Variants in CUX2 observed in about 807,000 individuals in gnomAD.
The protein encoded by CUX2 is cut like homeobox 2.
CUX2 carries 40 observed loss-of-function variants against 144.8 expected under a neutral mutation model. The observed-to-expected ratio is 0.28, with a 90% CI of 0.21 to 0.36. CUX2 has a LOEUF of 0.36. Ranked by LOEUF, CUX2 falls within the 10% of genes least tolerant of loss-of-function variation. The pLI is 1.00. For missense variants in CUX2, 1,615 were observed against 1,994.0 expected, an observed-to-expected ratio of 0.81 and a Z score of 3.62; for synonymous variants, 827 against 875.6, an observed-to-expected ratio of 0.94 and a Z score of 0.98.
intron 4 of CUX2, among the ~76,000 whole-genome samples, chr12:111,280,635 G>A (rs1885081024): frequency 6.6e-6 from 1 of 152,150 alleles, no homozygotes. Context: ...TGGAGACTCT[G>A]CAGGGGTGTC....
At chr12:111,194,920 C>T (rs1314911406) in intron 1 of CUX2, among the ~76,000 whole-genome samples, 2 of 152,212 alleles carry the variant, frequency 1.3e-5, no homozygotes, top group African/African-American at 4.8e-5. Flanking sequence ...GCTCCTGTAC[C>T]ACCCAGTGGC....
chr12:111,147,008 G>T (rs925753121), intron 1 of CUX2, among the ~76,000 whole-genome samples: 3 of 152,066 alleles, frequency 2.0e-5, no homozygotes, highest in Admixed American at 2.0e-4. Flanking sequence ...GGTGTCACGT[G>T]CCTGTAATCC....
At chr12:111,196,867 G>A (rs1880271737) in intron 1 of CUX2, among the ~76,000 whole-genome samples, 2 of 152,170 alleles carry the variant, frequency 1.3e-5, no homozygotes, top group Admixed American at 6.5e-5. Flanking sequence ...CACTCAGTAT[G>A]TTCTGGGTCC....
chr12:111,045,036 G>A (rs368022376), intron 1 of CUX2, among the ~76,000 whole-genome samples: 3 of 152,348 alleles, frequency 2.0e-5, no homozygotes, highest in South Asian at 4.1e-4. Flanking sequence ...ATAGAGAGCT[G>A]AAAGCATCCC....
chr12:111,056,786 A>G (rs916468088), intron 1 of CUX2, among the ~76,000 whole-genome samples: 1 of 152,176 alleles, frequency 6.6e-6, no homozygotes, highest in Non-Finnish European at 1.5e-5. Context: ...TTTAGAAAAG[A>G]CAGTTGGCTA....
intron 1 of CUX2, among the ~76,000 whole-genome samples, chr12:111,073,161 C>G (rs545038291): frequency 2.0e-5 from 3 of 150,688 alleles, no homozygotes; most frequent in African/African-American, 7.5e-5. Context: ...CTTAGAGGCT[C>G]CTTCGTATCC....
intron 1 of CUX2, among the ~76,000 whole-genome samples, chr12:111,052,907 G>A (rs1323125715): frequency 6.6e-6 from 1 of 152,222 alleles, no homozygotes; most frequent in African/African-American, 2.4e-5. Flanking sequence ...ACACGGGCAT[G>A]TGGGGCCAGT....
At chr12:111,345,859 C>G (rs1376041857) in intron 21 of CUX2, among the ~76,000 whole-genome samples, 2 of 147,488 alleles carry the variant, frequency 1.4e-5, no homozygotes, top group Non-Finnish European at 3.0e-5. Flanking sequence ...CCTGTAATCC[C>G]AACACTTTGG....
At chr12:111,060,822 A>C (rs1870734328) in intron 1 of CUX2, among the ~76,000 whole-genome samples, 1 of 152,192 alleles carries the variant, frequency 6.6e-6, no homozygotes, top group Non-Finnish European at 1.5e-5. Context: ...GGAAAAAGTT[A>C]GGCCATGGTG....
chr12:111,210,707 G>A (rs1416997828), intron 1 of CUX2, among the ~76,000 whole-genome samples: 3 of 152,112 alleles, frequency 2.0e-5, no homozygotes, highest in Non-Finnish European at 4.4e-5. Context: ...TGAGGTGGAA[G>A]GATCGCCTGA....
At chr12:111,052,600 TG>T (rs879717535) in intron 1 of CUX2, among the ~76,000 whole-genome samples, 1 of 152,184 alleles carries the variant, frequency 6.6e-6, no homozygotes, top group Non-Finnish European at 1.5e-5. Flanking sequence ...TGTATCTTAG[TG>T]TGTTTCTGTG....
chr12:111,238,651 C>T (rs1882877316), intron 3 of CUX2, among the ~76,000 whole-genome samples: 1 of 152,150 alleles, frequency 6.6e-6, no homozygotes. Context: ...GTGCCGAGCT[C>T]TGGGGATACA....
chr12:111,136,605 A>G (rs1306920186), intron 1 of CUX2, among the ~76,000 whole-genome samples: 1 of 152,202 alleles, frequency 6.6e-6, no homozygotes, highest in Non-Finnish European at 1.5e-5. Context: ...CTGTGCTGAG[A>G]GCCTTTTGCC....
chr12:111,115,931 G>A (rs1037580183), intron 1 of CUX2, among the ~76,000 whole-genome samples: 5 of 152,148 alleles, frequency 3.3e-5, no homozygotes, highest in African/African-American at 4.8e-5. Flanking sequence ...ATGAATGAAC[G>A]AATCCCCTCC....
chr12:111,218,078 C>A, intron 3 of CUX2, 141 bp downstream of exon 3: 1 of 780,222 alleles, frequency 1.3e-6, no homozygotes, highest in Non-Finnish European at 2.2e-6. Context: ...ACTCTGTGCC[C>A]TTCCCTCTGG....
intron 3 of CUX2, among the ~76,000 whole-genome samples, chr12:111,232,551 A>T (rs1240426092): frequency 6.6e-6 from 1 of 152,206 alleles, no homozygotes; most frequent in African/African-American, 2.4e-5. Context: ...ATGTGCGTAG[A>T]TTATATGCAA....
intron 1 of CUX2, among the ~76,000 whole-genome samples, chr12:111,132,104 A>T (rs1026100182): frequency 6.6e-6 from 1 of 151,976 alleles, no homozygotes; most frequent in Non-Finnish European, 1.5e-5. Flanking sequence ...ATTTCCATAC[A>T]TCTTCTGAAA....
chr12:111,139,772 G>A (rs1876172622), intron 1 of CUX2, among the ~76,000 whole-genome samples: 1 of 152,184 alleles, frequency 6.6e-6, no homozygotes, highest in Non-Finnish European at 1.5e-5. Context: ...AATAGGATAA[G>A]CGTTCAGAAC....
intron 1 of CUX2, among the ~76,000 whole-genome samples, chr12:111,155,559 G>T (rs772612113): frequency 6.6e-6 from 1 of 152,148 alleles, no homozygotes; most frequent in Non-Finnish European, 1.5e-5. Flanking sequence ...ATTCCTCTGA[G>T]CATTGGAAAG....
Sources: gnomAD v4.1 joint callset for allele counts (sites outside exome capture counted in the v4.1 genomes callset) on GRCh38, gnomAD v4.1.1 for gene constraint, MANE v1.5 for transcripts, NCBI Gene and HGNC (gene_info 2026-07-23, HGNC 2026-07-21) for gene names.